PEBP4: variants seen among roughly 807,000 people sequenced by gnomAD.
The protein encoded by PEBP4 is phosphatidylethanolamine binding protein 4, also known as phosphatidylethanolamine-binding protein 4.
In PEBP4, 22 loss-of-function variants were observed where a neutral mutation model predicts 23.9. The ratio of observed to expected loss-of-function variants is 0.92; its 90% CI spans 0.66 to 1.31. PEBP4 has a LOEUF of 1.31. PEBP4 is among the 40% of genes most tolerant of loss of function. The pLI is 0.00. For missense variants in PEBP4, 324 were observed against 281.7 expected, an observed-to-expected ratio of 1.15 and a Z score of -1.07; for synonymous variants, 112 against 99.3, an observed-to-expected ratio of 1.13 and a Z score of -0.76.
chr8:22,835,846 C>T (rs1807194843), intron 3 of PEBP4, among the ~76,000 whole-genome samples: 2 of 152,216 alleles, frequency 1.3e-5, no homozygotes, highest in African/African-American at 2.4e-5. Context: ...GCATTTATCA[C>T]GGCTTTCAAT....
intron 3 of PEBP4, among the ~76,000 whole-genome samples, chr8:22,849,692 T>C (rs1034549559): frequency 2.6e-5 from 4 of 152,232 alleles, no homozygotes; most frequent in Non-Finnish European, 2.9e-5. Context: ...CCATGCTGTC[T>C]TGAATATGCT....
intron 5 of PEBP4, among the ~76,000 whole-genome samples, chr8:22,726,258 A>C (rs766205465): frequency 6.6e-6 from 1 of 152,270 alleles, no homozygotes; most frequent in East Asian, 1.9e-4. Flanking sequence ...GGTGCCAGGG[A>C]GTCTCCTCGT....
At chr8:22,903,762 A>G (rs562525353) in intron 3 of PEBP4, among the ~76,000 whole-genome samples, 1 of 152,320 alleles carries the variant, frequency 6.6e-6, no homozygotes, top group Non-Finnish European at 1.5e-5. Flanking sequence ...CAAGATATCC[A>G]TCCTCCCAGA....
chr8:22,793,255 T>C (rs1055702357), intron 4 of PEBP4, among the ~76,000 whole-genome samples: 1 of 152,136 alleles, frequency 6.6e-6, no homozygotes, highest in Non-Finnish European at 1.5e-5. Context: ...TCAACCATTT[T>C]AATGGTTGCA....
intron 1 of PEBP4, among the ~76,000 whole-genome samples, chr8:22,933,698 G>C (rs57809705): frequency 0.016 from 2,459 of 152,316 alleles, 68 homozygotes; most frequent in African/African-American, 0.056. Flanking sequence ...GAAATGAAAA[G>C]ATGACAGTAA....
chr8:22,795,251 C>T (rs1197858597), intron 4 of PEBP4, among the ~76,000 whole-genome samples: 7 of 141,382 alleles, frequency 5.0e-5, no homozygotes, highest in Non-Finnish European at 9.1e-5. Context: ...TCTTGGCTCA[C>T]TGCAACCTCC....
intron 3 of PEBP4, among the ~76,000 whole-genome samples, chr8:22,893,532 A>C (rs1177601677): frequency 6.6e-6 from 1 of 152,218 alleles, no homozygotes; most frequent in African/African-American, 2.4e-5. Flanking sequence ...TAAAACAGTT[A>C]TTATAACTAT....
chr8:22,858,473 G>GA (rs1807702677), intron 3 of PEBP4, among the ~76,000 whole-genome samples: 1 of 152,162 alleles, frequency 6.6e-6, no homozygotes, highest in African/African-American at 2.4e-5. Context: ...AGCATCCTGG[G>GA]AAAATGCAGA....
chr8:22,823,899 G>T (rs930747663), intron 3 of PEBP4, among the ~76,000 whole-genome samples: 1 of 152,230 alleles, frequency 6.6e-6, no homozygotes, highest in Admixed American at 6.5e-5. Context: ...AAGTTTACTA[G>T]TCATAAAAGG....
intron 3 of PEBP4, among the ~76,000 whole-genome samples, chr8:22,878,367 G>A (rs1808173457): frequency 6.6e-6 from 1 of 152,182 alleles, no homozygotes; most frequent in Non-Finnish European, 1.5e-5. Context: ...TGGGCTCTGC[G>A]GGAGAGGGTG....
At chr8:22,753,556 T>C (rs1362009621) in intron 4 of PEBP4, among the ~76,000 whole-genome samples, 1 of 152,212 alleles carries the variant, frequency 6.6e-6, no homozygotes, top group Non-Finnish European at 1.5e-5. Context: ...GGACACATGA[T>C]GCTGGGAGAA....
chr8:22,924,232 C>T (rs183924814), intron 2 of PEBP4, among the ~76,000 whole-genome samples: 4 of 152,064 alleles, frequency 2.6e-5, no homozygotes, highest in Non-Finnish European at 4.4e-5. Flanking sequence ...GGTGTGGTGG[C>T]GTGCACCTGT....
chr8:22,912,267 A>G (rs1215893786), intron 3 of PEBP4, among the ~76,000 whole-genome samples: 2 of 152,192 alleles, frequency 1.3e-5, no homozygotes, highest in Admixed American at 6.5e-5. Context: ...AACAACAACA[A>G]TGGACATTCT....
intron 4 of PEBP4, among the ~76,000 whole-genome samples, chr8:22,738,795 GCA>G (rs1563199825): frequency 6.6e-6 from 1 of 152,088 alleles, no homozygotes; most frequent in Non-Finnish European, 1.5e-5. Flanking sequence ...TGTCACACAT[GCA>G]CAGAGGCACA....
intron 1 of PEBP4, among the ~76,000 whole-genome samples, chr8:22,938,802 C>A (rs1809572893): frequency 6.6e-6 from 1 of 152,198 alleles, no homozygotes; most frequent in South Asian, 2.1e-4. Flanking sequence ...GTTTTCTGTG[C>A]ACGTACTTCA....
intron 4 of PEBP4, among the ~76,000 whole-genome samples, chr8:22,796,257 CGTGTGTGTGTGTGTGTGT>C (rs34887072): frequency 1.3e-5 from 2 of 149,766 alleles, no homozygotes; most frequent in Non-Finnish European, 1.5e-5. Flanking sequence ...CTCAAGTGTG[CGTGTGTGTGTGTGTGTGT>C]GTGTGTGTGT....
chr8:22,776,615 C>T (rs950567401), intron 4 of PEBP4, among the ~76,000 whole-genome samples: 6 of 151,822 alleles, frequency 4.0e-5, no homozygotes, highest in Admixed American at 1.3e-4. Flanking sequence ...CTTATCTTTT[C>T]TTGATGCTGT....
At chr8:22,848,100 A>G (rs118105125) in intron 3 of PEBP4, among the ~76,000 whole-genome samples, 15 of 152,156 alleles carry the variant, frequency 9.9e-5, no homozygotes, top group Non-Finnish European at 2.2e-4. Context: ...CATTACCTGC[A>G]CACTGTGAGT....
chr8:22,852,729 G>T (rs1361674587), intron 3 of PEBP4, among the ~76,000 whole-genome samples: 1 of 151,890 alleles, frequency 6.6e-6, no homozygotes, highest in Non-Finnish European at 1.5e-5. Flanking sequence ...CATTTCAGTT[G>T]CTCACATGTT....
Sources: gnomAD v4.1 joint callset for allele counts (sites outside exome capture counted in the v4.1 genomes callset) on GRCh38, gnomAD v4.1.1 for gene constraint, MANE v1.5 for transcripts, NCBI Gene and HGNC (gene_info 2026-07-23, HGNC 2026-07-21) for gene names.